The following ATP8A2 variants were observed in gnomAD, a reference collection of about 807,000 sequenced individuals.
The protein encoded by ATP8A2 is ATPase phospholipid transporting 8A2, also known as phospholipid-transporting ATPase IB.
In ATP8A2, 100 loss-of-function variants were observed where a neutral mutation model predicts 165.6. The ratio of observed to expected loss-of-function variants is 0.60; its 90% CI spans 0.51 to 0.71. The LOEUF (loss-of-function observed/expected upper bound fraction) is 0.71. Among genes scored for constraint, ATP8A2 ranks in the 30% least tolerant of loss-of-function variants. ATP8A2 has a pLI of 0.00. For missense variants in ATP8A2, 1,227 were observed against 1,479.5 expected (o/e 0.83, Z 2.80); for synonymous variants, 543 against 548.8 (o/e 0.99, Z 0.15).
intron 25 of ATP8A2, among the ~76,000 whole-genome samples, chr13:25,709,229 A>G (rs188919413): frequency 6.6e-6 from 1 of 152,360 alleles, no homozygotes; most frequent in East Asian, 1.9e-4. Flanking sequence ...GCAAGTATTC[A>G]TAGTGGCGTC....
At chr13:25,805,804 C>G (rs1950720676) in intron 27 of ATP8A2, among the ~76,000 whole-genome samples, 1 of 152,044 alleles carries the variant, frequency 6.6e-6, no homozygotes, top group Non-Finnish European at 1.5e-5. Flanking sequence ...AATGTAAGAA[C>G]TTATTAGTTC....
intron 1 of ATP8A2, among the ~76,000 whole-genome samples, chr13:25,379,614 A>G (rs1465002093): frequency 1.3e-5 from 2 of 152,154 alleles, no homozygotes; most frequent in East Asian, 3.8e-4. Flanking sequence ...ATTCTAATGC[A>G]TTGAGGAAAC....
At chr13:25,800,852 A>G (rs1319136304) in intron 27 of ATP8A2, among the ~76,000 whole-genome samples, 2 of 152,106 alleles carry the variant, frequency 1.3e-5, no homozygotes, top group East Asian at 3.9e-4. Context: ...TTGGCAGCCA[A>G]AAAGGGCTTA....
chr13:25,738,577 C>T (rs1363258926), intron 25 of ATP8A2, among the ~76,000 whole-genome samples: 1 of 152,196 alleles, frequency 6.6e-6, no homozygotes, highest in African/African-American at 2.4e-5. Context: ...TGGGAAGGGG[C>T]CTGGGCCTGG....
At chr13:25,636,225 C>CTGTA (rs1402805877) in intron 24 of ATP8A2, among the ~76,000 whole-genome samples, 1 of 152,058 alleles carries the variant, frequency 6.6e-6, no homozygotes, top group Non-Finnish European at 1.5e-5. Flanking sequence ...AATACATTCC[C>CTGTA]TGTAGCAGGG....
chr13:25,954,031 G>C (rs536748614), intron 33 of ATP8A2, among the ~76,000 whole-genome samples: 1 of 152,144 alleles, frequency 6.6e-6, no homozygotes, highest in Non-Finnish European at 1.5e-5. Flanking sequence ...TGGAAAGGGG[G>C]CTGAAGCCAG....
intron 13 of ATP8A2, among the ~76,000 whole-genome samples, chr13:25,555,349 A>C (rs147275904): frequency 1.5e-4 from 23 of 152,324 alleles, no homozygotes; most frequent in Non-Finnish European, 2.9e-4. Context: ...TGGGACGCTT[A>C]AAAAAGTGTT....
intron 30 of ATP8A2, among the ~76,000 whole-genome samples, chr13:25,842,446 G>A (rs1028984753): frequency 6.6e-6 from 1 of 152,126 alleles, no homozygotes; most frequent in Admixed American, 6.5e-5. Flanking sequence ...AGGCAGAGGT[G>A]GGTGGATCAC....
intron 27 of ATP8A2, among the ~76,000 whole-genome samples, chr13:25,815,928 C>T (rs1387661405): frequency 6.6e-6 from 1 of 152,188 alleles, no homozygotes; most frequent in Admixed American, 6.5e-5. Flanking sequence ...ATAAGCTACA[C>T]AGACAAGGAC....
chr13:25,725,587 G>T (rs1593253321), intron 25 of ATP8A2, among the ~76,000 whole-genome samples: 4 of 152,314 alleles, frequency 2.6e-5, no homozygotes, highest in Non-Finnish European at 1.5e-5. Context: ...GGTATAAAAT[G>T]GCTGTCTAGT....
chr13:25,390,812 C>T (rs1029597468), intron 1 of ATP8A2, among the ~76,000 whole-genome samples: 2 of 151,986 alleles, frequency 1.3e-5, no homozygotes, highest in South Asian at 4.2e-4. Flanking sequence ...CACCTGTAAT[C>T]CCAGCTACTC....
chr13:25,941,015 C>A (rs1247075571), intron 33 of ATP8A2, among the ~76,000 whole-genome samples: 1 of 152,216 alleles, frequency 6.6e-6, no homozygotes, highest in Non-Finnish European at 1.5e-5. Context: ...CCGCCCTTCT[C>A]CGGCCACATG....
In ATP8A2 at chr13:25,750,025, C is replaced by T. The variant is rs751966791; in HGVS notation, c.2385-19021C>T. On this transcript the variant is annotated intron_variant, in intron 25 of 36. Transcript: ENST00000381655. The surrounding 1 kb of genome is among the most constrained non-coding windows in gnomAD (Gnocchi z 4.3). ...AATAAAACAAAACAAAACAAAAAAA[C>T]GAAGAAGAAGAATTATTTGCATGTA... 6.6e-5 allele frequency among the ~76,000 whole-genome samples: 10 copies of T among 152,190 alleles called. No individual in the cohort carries two copies. Among genetic ancestry groups the T allele is most frequent in the Admixed American group, 2.6e-4 (4 of 15,298 alleles).
chr13:25,956,193 C>A (rs980138002), intron 33 of ATP8A2, among the ~76,000 whole-genome samples: 2 of 152,162 alleles, frequency 1.3e-5, no homozygotes, highest in African/African-American at 2.4e-5. Context: ...GGAAGCATTC[C>A]CTTTGAAAAC....
intron 35 of ATP8A2, 89 bp downstream of exon 35, chr13:25,968,768 G>A: frequency 1.9e-6 from 2 of 1,070,434 alleles, no homozygotes; most frequent in Non-Finnish European, 2.8e-6. Flanking sequence ...TCTCATCTTG[G>A]TTTTCGATGG....
chr13:25,513,977 T>A (rs182621375), intron 2 of ATP8A2, among the ~76,000 whole-genome samples: 6,502 of 24,850 alleles, frequency 0.26, 223 homozygotes, highest in South Asian at 0.42. Flanking sequence ...CCATGGGGAG[T>A]GGGAGAGGGG....
At chr13:25,456,485 T>A (rs2035366763) in intron 1 of ATP8A2, among the ~76,000 whole-genome samples, 1 of 152,226 alleles carries the variant, frequency 6.6e-6, no homozygotes, top group Non-Finnish European at 1.5e-5. Context: ...AATTGCTGTC[T>A]GCCCACCTGT....
Position 25,638,079 on chromosome 13 carries a change from A to G in ATP8A2, c.2211+48380A>G, listed in dbSNP as rs568183117. Among the ~76,000 whole-genome samples the G allele has an allele frequency of 3.3e-5, 5 of 152,336 alleles. No homozygotes were observed. In the South Asian group the frequency reaches 1.0e-3, roughly 32 times the overall value. On this transcript the variant is annotated intron_variant, in intron 24 of 36. Transcript: ENST00000381655. Reference sequence around the variant, plus strand: ...TTAGAAGGAAAACTAACAAACAGAAAGGACATCCACACCAAAACCCCATCT... The same window carrying G: ...TTAGAAGGAAAACTAACAAACAGAAGGGACATCCACACCAAAACCCCATCT...
chr13:25,777,382 A>G (rs1360737998), intron 27 of ATP8A2, among the ~76,000 whole-genome samples: 2 of 152,244 alleles, frequency 1.3e-5, no homozygotes, highest in East Asian at 3.8e-4. Context: ...ACTTACTTGC[A>G]TGCAATTTTA....
Sources: gnomAD v4.1 joint callset for allele counts (sites outside exome capture counted in the v4.1 genomes callset) on GRCh38, gnomAD v4.1.1 for gene constraint, Gnocchi (gnomAD v3.1) non-coding constraint, MANE v1.5 for transcripts, NCBI Gene and HGNC (gene_info 2026-07-23, HGNC 2026-07-21) for gene names.